The following KCNIP4 variants were observed in gnomAD, a reference collection of about 807,000 sequenced individuals.
The protein encoded by KCNIP4 is potassium voltage-gated channel interacting protein 4, also known as Kv channel-interacting protein 4.
In KCNIP4, 12 loss-of-function variants were observed where a neutral mutation model predicts 34.0. The observed-to-expected ratio is 0.35, with a 90% CI of 0.23 to 0.57. The LOEUF (loss-of-function observed/expected upper bound fraction) is 0.57. KCNIP4 is among the 20% of genes least tolerant of loss of function. The pLI, the probability that KCNIP4 is intolerant of heterozygous loss-of-function variation, is 0.83. For missense variants in KCNIP4, 238 were observed against 311.7 expected (o/e 0.76, Z 1.78); for synonymous variants, 124 against 102.2 (o/e 1.21, Z -1.29).
At chr4:20,731,883 T>C in intron 8 of KCNIP4, 123 bp downstream of exon 8, 2 of 1,470,136 alleles carry the variant, frequency 1.4e-6, no homozygotes, top group African/African-American at 1.4e-5. Context: ...CTGCATGTTG[T>C]AGAAGTGGTA....
intron 3 of KCNIP4, among the ~76,000 whole-genome samples, chr4:20,765,456 G>T (rs554551757): frequency 6.6e-6 from 1 of 152,262 alleles, no homozygotes; most frequent in South Asian, 2.1e-4. Context: ...AATTTATTGT[G>T]CATTGTAGCT....
intron 1 of KCNIP4, among the ~76,000 whole-genome samples, chr4:20,985,465 T>G (rs1412479497): frequency 6.6e-6 from 1 of 152,120 alleles, no homozygotes; most frequent in Non-Finnish European, 1.5e-5. Context: ...TTCTAATCAT[T>G]TTAACTTTGT....
rs192141477 is a variant in KCNIP4 at position 20,771,052 on chromosome 4, G to C, written c.289-12162C>G. 5.6e-3 allele frequency among the ~76,000 whole-genome samples: 850 copies of C among 152,252 alleles called. 4 individuals carry two copies. Among genetic ancestry groups the C allele is most frequent in the Non-Finnish European group, 7.4e-3 (501 of 68,020 alleles). On this transcript the variant is annotated intron_variant, in intron 3 of 8. Coordinates refer to ENST00000382152, the MANE Select transcript of KCNIP4 (RefSeq NM_025221.6). ...TAGAGATGATTTAAAGTACATGGGA[G>C]GATGTATAGGTTATATGTAAATACT... is the stretch of plus-strand genomic sequence containing the variant.
intron 1 of KCNIP4, among the ~76,000 whole-genome samples, chr4:21,457,404 C>T (rs1323447612): frequency 6.6e-6 from 1 of 151,888 alleles, no homozygotes; most frequent in Non-Finnish European, 1.5e-5. Context: ...GGTGGAAAAT[C>T]AAATCTCTAG....
intron 1 of KCNIP4, among the ~76,000 whole-genome samples, chr4:21,216,927 A>G (rs1252696970): frequency 6.6e-6 from 1 of 152,208 alleles, no homozygotes; most frequent in Admixed American, 6.5e-5. Flanking sequence ...TAGTATCTAT[A>G]CTTCTGACAA....
chr4:21,573,594 C>T (rs547387394), intron 1 of KCNIP4, among the ~76,000 whole-genome samples: 47 of 152,068 alleles, frequency 3.1e-4, no homozygotes, highest in Admixed American at 1.4e-3. Context: ...CTATGTAAGG[C>T]CAGTAATTTT....
rs534115437 is a variant in KCNIP4 at position 21,612,581 on chromosome 4, CAATT to C, written c.61+335986_61+335989del. 2.5e-4 allele frequency among the ~76,000 whole-genome samples: 38 copies of C among 152,284 alleles called. No individual in the cohort carries two copies. In the South Asian group the frequency reaches 7.5e-3, roughly 30 times the overall value. ...AGAGATGGAATGCATTTGATGAAAACAATTAAGCCACATTGGCATACTCTACATT... is the reference window on the plus strand; with the variant it reads ...AGAGATGGAATGCATTTGATGAAAACAAGCCACATTGGCATACTCTACATT... On this transcript the variant is annotated intron_variant, in intron 1 of 8. Transcript: ENST00000382152.
chr4:21,912,130 T>C (rs773567193), intron 1 of KCNIP4, among the ~76,000 whole-genome samples: 1 of 152,064 alleles, frequency 6.6e-6, no homozygotes, highest in Non-Finnish European at 1.5e-5. Flanking sequence ...TTTTTTAAAC[T>C]GTAATGAACA....
chr4:21,900,070 T>C (rs1244798937), intron 1 of KCNIP4, among the ~76,000 whole-genome samples: 1 of 152,164 alleles, frequency 6.6e-6, no homozygotes, highest in African/African-American at 2.4e-5. Flanking sequence ...CATAGACCTA[T>C]AGGATATTTT....
chr4:20,826,227 T>C (rs931488686), intron 3 of KCNIP4, among the ~76,000 whole-genome samples: 6 of 152,140 alleles, frequency 3.9e-5, no homozygotes, highest in Non-Finnish European at 7.3e-5. Context: ...AGGAGAGGCA[T>C]GTGCCTATTT....
At chr4:21,358,781 C>A (rs144335984) in intron 1 of KCNIP4, among the ~76,000 whole-genome samples, 1 of 152,096 alleles carries the variant, frequency 6.6e-6, no homozygotes, top group Non-Finnish European at 1.5e-5. Flanking sequence ...AAATGCATAT[C>A]TGATTGCCTC....
At chr4:21,815,587 T>G (rs1290662207) in intron 1 of KCNIP4, among the ~76,000 whole-genome samples, 1 of 152,150 alleles carries the variant, frequency 6.6e-6, no homozygotes, top group Non-Finnish European at 1.5e-5. Flanking sequence ...AATTATTTCC[T>G]GTGGGTGTGC....
At chr4:21,762,838 T>C (rs1442352302) in intron 1 of KCNIP4, 2 of 798,916 alleles carry the variant, frequency 2.5e-6, no homozygotes, top group Non-Finnish European at 3.5e-6. Context: ...AGAATGTGTA[T>C]ATATAAGTGT....
At chr4:21,424,578 GGAAA>G (rs148701174) in intron 1 of KCNIP4, among the ~76,000 whole-genome samples, 2,890 of 148,762 alleles carry the variant, frequency 0.019, 86 homozygotes, top group East Asian at 0.14. Flanking sequence ...CTGAAAAAGA[GGAAA>G]GAAAGAAAGA....
intron 1 of KCNIP4, among the ~76,000 whole-genome samples, chr4:21,077,532 C>T (rs577107255): frequency 3.9e-5 from 6 of 152,158 alleles, no homozygotes; most frequent in East Asian, 1.9e-4. Context: ...CCAATATTCA[C>T]GTTTCATAAT....
intron 1 of KCNIP4, among the ~76,000 whole-genome samples, chr4:20,909,072 A>C (rs1346698249): frequency 1.3e-5 from 2 of 152,208 alleles, no homozygotes; most frequent in Non-Finnish European, 2.9e-5. Context: ...GCCATTACAT[A>C]ATCTGTTACA....
chr4:21,154,380 C>A (rs536958314), intron 1 of KCNIP4, among the ~76,000 whole-genome samples: 8 of 152,142 alleles, frequency 5.3e-5, no homozygotes, highest in Non-Finnish European at 1.0e-4. Flanking sequence ...TAAAACGATT[C>A]CCAGAGTATA....
chr4:21,675,809 G>C (rs1299241691), intron 1 of KCNIP4, among the ~76,000 whole-genome samples: 1 of 152,130 alleles, frequency 6.6e-6, no homozygotes, highest in Non-Finnish European at 1.5e-5. Context: ...ACATGAAAGG[G>C]ACTGCTTCCA....
At chr4:20,791,337 C>T (rs541512353) in intron 3 of KCNIP4, among the ~76,000 whole-genome samples, 7 of 152,108 alleles carry the variant, frequency 4.6e-5, no homozygotes, top group African/African-American at 7.2e-5. Flanking sequence ...CAGTAGAAGC[C>T]TAGTTCTACA....
Sources: allele counts gnomAD v4.1 joint callset (sites outside exome capture counted in the v4.1 genomes callset), GRCh38; gene constraint gnomAD v4.1.1; transcripts MANE v1.5; gene names NCBI Gene and HGNC (gene_info 2026-07-23, HGNC 2026-07-21).